The following SLC14A2 variants were observed in gnomAD, a reference collection of about 807,000 sequenced individuals.
The protein encoded by SLC14A2 is urea transporter 2.
In SLC14A2, 91 loss-of-function variants were observed where a neutral mutation model predicts 104.6. The observed-to-expected ratio is 0.87, with a 90% confidence interval of 0.73 to 1.04. The LOEUF (loss-of-function observed/expected upper bound fraction) is 1.04, where lower values mean the gene tolerates loss of function less well. Ranked by LOEUF, SLC14A2 falls within the 50% of genes least tolerant of loss-of-function variation. The pLI is 0.00. For synonymous variants in SLC14A2, 476 were observed against 466.4 expected (o/e 1.02, Z -0.27); for missense variants, 1,189 against 1,156.0 (o/e 1.03, Z -0.41).
chr18:45,223,929 G>A (rs1004041222), intron 1 of SLC14A2, among the ~76,000 whole-genome samples: 14 of 152,196 alleles, frequency 9.2e-5, no homozygotes, highest in African/African-American at 3.4e-4. Context: ...TTGCTATTAT[G>A]TCAGCTTCTG....
chr18:45,183,770 G>T, the SLC14A2 span, among the ~76,000 whole-genome samples: 1 of 150,050 alleles, frequency 6.7e-6, no homozygotes, highest in Admixed American at 6.7e-5. Flanking sequence ...CTTGCTCTGT[G>T]GCTCAGGCTG....
chr18:45,502,183 T>C (rs2043209029), intron 2 of SLC14A2, among the ~76,000 whole-genome samples: 1 of 152,148 alleles, frequency 6.6e-6, no homozygotes, highest in Admixed American at 6.5e-5. Flanking sequence ...CCCTGAGAGA[T>C]ACAGATATGG....
chr18:45,556,583 T>G (rs2044136150), intron 2 of SLC14A2, among the ~76,000 whole-genome samples: 1 of 152,232 alleles, frequency 6.6e-6, no homozygotes, highest in Admixed American at 6.5e-5. Flanking sequence ...CTCTATGTCT[T>G]GACTTCCCTT....
intron 1 of SLC14A2, among the ~76,000 whole-genome samples, chr18:45,615,858 AGG>A (rs1307756307): frequency 6.0e-5 from 9 of 150,192 alleles, no homozygotes; most frequent in East Asian, 1.9e-4. Flanking sequence ...AGAGAGAGAG[AGG>A]GAGAGAGAGA....
At chr18:45,299,767 G>C (rs927602006) in intron 1 of SLC14A2, among the ~76,000 whole-genome samples, 14 of 152,146 alleles carry the variant, frequency 9.2e-5, no homozygotes, top group Non-Finnish European at 1.5e-4. Context: ...CGGCACATCC[G>C]TCTTACTTTA....
intron 2 of SLC14A2, among the ~76,000 whole-genome samples, chr18:45,497,450 C>T (rs1017400638): frequency 1.3e-5 from 2 of 152,154 alleles, no homozygotes; most frequent in Non-Finnish European, 2.9e-5. Flanking sequence ...GGGCAATACA[C>T]CCTATGTCCT....
chr18:45,633,408 G>C (rs1465630542), intron 5 of SLC14A2, among the ~76,000 whole-genome samples: 1 of 152,202 alleles, frequency 6.6e-6, no homozygotes, highest in African/African-American at 2.4e-5. Flanking sequence ...TTGAGATCTT[G>C]CTGGGCAATC....
At chr18:45,490,564 A>G (rs2042979382) in intron 2 of SLC14A2, among the ~76,000 whole-genome samples, 1 of 152,226 alleles carries the variant, frequency 6.6e-6, no homozygotes, top group African/African-American at 2.4e-5. Flanking sequence ...AAAAATTTTA[A>G]GAACACAAAA....
intron 2 of SLC14A2, among the ~76,000 whole-genome samples, chr18:45,508,260 C>A (rs1210338760): frequency 1.3e-5 from 2 of 152,194 alleles, no homozygotes; most frequent in African/African-American, 4.8e-5. Context: ...AGGGCAGGGC[C>A]TTTGATACGG....
intron 10 of SLC14A2, among the ~76,000 whole-genome samples, chr18:45,653,064 A>G (rs748376472): frequency 3.9e-5 from 6 of 152,068 alleles, no homozygotes; most frequent in Non-Finnish European, 8.8e-5. Flanking sequence ...AGCCAGGGCA[A>G]GAGAACAAGG....
At chr18:45,337,117 T>A (rs1461383556) in intron 1 of SLC14A2, among the ~76,000 whole-genome samples, 1 of 152,044 alleles carries the variant, frequency 6.6e-6, no homozygotes, top group East Asian at 1.9e-4. Context: ...GAATAGGAAC[T>A]CAGAAGGGCT....
the SLC14A2 span, among the ~76,000 whole-genome samples, chr18:45,193,669 T>C: frequency 6.6e-6 from 1 of 152,210 alleles, no homozygotes; most frequent in Non-Finnish European, 1.5e-5. Flanking sequence ...TTTATTCTTC[T>C]TTTTCAAAGT....
upstream of SLC14A2, among the ~76,000 whole-genome samples, chr18:45,613,103 C>T (rs113198366): frequency 7.9e-5 from 12 of 152,274 alleles, no homozygotes; most frequent in South Asian, 1.5e-3. Context: ...AGCGCAATCT[C>T]GGCTCACTGC....
chr18:45,654,638 G>A (rs1047283615), intron 10 of SLC14A2, among the ~76,000 whole-genome samples: 2 of 152,166 alleles, frequency 1.3e-5, no homozygotes, highest in Non-Finnish European at 2.9e-5. Context: ...CATAGATTTT[G>A]GAAGCTTCGA....
At chr18:45,414,692 T>C (rs1352469984) in intron 1 of SLC14A2, among the ~76,000 whole-genome samples, 1 of 144,742 alleles carries the variant, frequency 6.9e-6, no homozygotes, top group Non-Finnish European at 1.5e-5. Flanking sequence ...TCAATTCATC[T>C]AGGATACAGT....
chr18:45,181,596 C>T, the SLC14A2 span, among the ~76,000 whole-genome samples: 1 of 152,012 alleles, frequency 6.6e-6, no homozygotes, highest in Admixed American at 6.6e-5. Context: ...ACATATGTAA[C>T]AGAATCAAGC....
At chr18:45,184,111 A>T in the SLC14A2 span, among the ~76,000 whole-genome samples, 1 of 151,640 alleles carries the variant, frequency 6.6e-6, no homozygotes, top group Non-Finnish European at 1.5e-5. Flanking sequence ...CAATATTTAC[A>T]AGTTTCTGAG....
chr18:45,327,302 CT>C (rs2085245214), intron 1 of SLC14A2, among the ~76,000 whole-genome samples: 1 of 151,968 alleles, frequency 6.6e-6, no homozygotes, highest in African/African-American at 2.4e-5. Context: ...TAATAAGGGC[CT>C]GCAAATCAAT....
chr18:45,673,681 A>T lies in SLC14A2; in HGVS notation c.2378-2A>T. 2 of 1,613,758 alleles carry T rather than the reference A, an allele frequency of 1.2e-6. No individual in the cohort carries two copies. Among genetic ancestry groups the T allele is most frequent in the Non-Finnish European group, 1.7e-6 (2 of 1,179,668 alleles). On this transcript the variant is annotated splice_acceptor_variant, in intron 17 of 19. Coordinates refer to ENST00000255226, the MANE Select transcript of SLC14A2 (RefSeq NM_007163.4). LOFTEE classifies it high-confidence loss of function. ...AACCCTGATGCCTGCCTTCTGTCAC[A>T]GCACTCACTATTGCGACGCCCTTTG...
Sources: gnomAD v4.1 joint callset for allele counts (sites outside exome capture counted in the v4.1 genomes callset) on GRCh38, gnomAD v4.1.1 for gene constraint, MANE v1.5 for transcripts, NCBI Gene and HGNC (gene_info 2026-07-23, HGNC 2026-07-21) for gene names.